GALNT2: variants seen among roughly 807,000 people sequenced by gnomAD.
The protein encoded by GALNT2 is polypeptide N-acetylgalactosaminyltransferase 2.
Under a neutral mutation model 81.4 loss-of-function variants are expected in GALNT2, and 31 were observed. The ratio of observed to expected loss-of-function variants is 0.38; its 90% CI spans 0.29 to 0.51. GALNT2 has a LOEUF of 0.51. GALNT2 is among the 20% of genes least tolerant of loss of function. The pLI is 0.87. For synonymous variants in GALNT2, 303 were observed against 287.4 expected (o/e 1.05, Z -0.55); for missense variants, 629 against 765.7 (o/e 0.82, Z 2.11).
At chr1:230,110,676 G>A (rs577686690) in intron 1 of GALNT2, among the ~76,000 whole-genome samples, 1 of 149,552 alleles carries the variant, frequency 6.7e-6, no homozygotes, top group African/African-American at 2.5e-5. Flanking sequence ...CTTTTTCTAT[G>A]CCTAAGCCTT....
At chr1:230,222,686 G>A (rs577837442) in intron 3 of GALNT2, among the ~76,000 whole-genome samples, 1 of 151,852 alleles carries the variant, frequency 6.6e-6, no homozygotes, top group African/African-American at 2.4e-5. Context: ...TTACTATTTT[G>A]CATATATGGA....
At chr1:230,086,173 C>T (rs1659892787) in intron 1 of GALNT2, among the ~76,000 whole-genome samples, 1 of 152,074 alleles carries the variant, frequency 6.6e-6, no homozygotes, top group Non-Finnish European at 1.5e-5. Context: ...ATTTTGCTCT[C>T]AATTATTTGG....
At chr1:230,256,028 AAGAGAGGGCAG>A (rs986369564) in intron 11 of GALNT2, among the ~76,000 whole-genome samples, 1 of 152,024 alleles carries the variant, frequency 6.6e-6, no homozygotes, top group Non-Finnish European at 1.5e-5. Flanking sequence ...TGGGAGGGCA[AAGAGAGGGCAG>A]GAAAGAGCAA....
At chr1:230,093,138 T>C (rs1660144801) in intron 1 of GALNT2, among the ~76,000 whole-genome samples, 1 of 152,222 alleles carries the variant, frequency 6.6e-6, no homozygotes, top group African/African-American at 2.4e-5. Flanking sequence ...CAGTTGAACG[T>C]GCAATTGTAT....
chr1:230,169,058 T>C (rs1317583860), intron 1 of GALNT2, among the ~76,000 whole-genome samples: 1 of 152,196 alleles, frequency 6.6e-6, no homozygotes. Context: ...GTTTGTTTGA[T>C]GTTTTTTCTC....
At chr1:230,172,448 C>T (rs1482985722) in intron 1 of GALNT2, among the ~76,000 whole-genome samples, 16 of 152,242 alleles carry the variant, frequency 1.1e-4, no homozygotes, top group Admixed American at 1.0e-3. Flanking sequence ...TCCTGACCCT[C>T]AGACACTGTG....
intron 1 of GALNT2, among the ~76,000 whole-genome samples, chr1:230,111,409 C>T (rs1660701926): frequency 6.6e-6 from 1 of 152,248 alleles, no homozygotes; most frequent in African/African-American, 2.4e-5. Flanking sequence ...CATACATGTA[C>T]AAACACACAT....
At chr1:230,212,606 C>A (rs367999581) in intron 3 of GALNT2, among the ~76,000 whole-genome samples, 13 of 151,894 alleles carry the variant, frequency 8.6e-5, no homozygotes, top group African/African-American at 3.1e-4. Flanking sequence ...GCAGGCTCAG[C>A]GAGATATACG....
At position 230,231,297 on chromosome 1, in the gene GALNT2, C is replaced by T. The variant is rs78310495; in HGVS notation, c.375-4717C>T. ...GGTGTTCCCAATAATCAGGCAAGATCGTCAGGGCCATTTTCACAGATGAGG... is the reference window on the plus strand; with the variant it reads ...GGTGTTCCCAATAATCAGGCAAGATTGTCAGGGCCATTTTCACAGATGAGG... On this transcript the variant is annotated intron_variant, in intron 3 of 15. Coordinates refer to ENST00000366672, the MANE Select transcript of GALNT2 (RefSeq NM_004481.5). 4.5e-3 allele frequency among the ~76,000 whole-genome samples: 685 copies of T among 152,284 alleles called. 2 individuals are homozygous for T. The highest frequency in any genetic ancestry group is 7.7e-3 in the Non-Finnish European group (526 of 68,010).
intron 3 of GALNT2, among the ~76,000 whole-genome samples, chr1:230,234,411 A>G (rs1664962063): frequency 6.6e-6 from 1 of 152,202 alleles, no homozygotes; most frequent in African/African-American, 2.4e-5. Context: ...TCGGAGCCCC[A>G]GCAAAGATTT....
At chr1:230,235,984 G>C (rs755072138) in intron 3 of GALNT2, 30 bp from the exon 4 acceptor site, 3 of 1,608,476 alleles carry the variant, frequency 1.9e-6, no homozygotes, top group South Asian at 1.1e-5. Context: ...GGGGGTCATT[G>C]TTCAGAGGAC....
At chr1:230,166,249 C>T (rs966857139) in intron 1 of GALNT2, among the ~76,000 whole-genome samples, 3 of 152,146 alleles carry the variant, frequency 2.0e-5, no homozygotes, top group Non-Finnish European at 4.4e-5. Flanking sequence ...AGAAAATGTA[C>T]ATTTTAAATG....
At chr1:230,179,461 T>C (rs1385066700) in intron 2 of GALNT2, among the ~76,000 whole-genome samples, 8 of 152,244 alleles carry the variant, frequency 5.3e-5, no homozygotes, top group African/African-American at 1.7e-4. Flanking sequence ...TCACCAGCAT[T>C]TGGTGTTGCC....
At chr1:230,172,292 C>T (rs532035112) in intron 1 of GALNT2, among the ~76,000 whole-genome samples, 1 of 152,234 alleles carries the variant, frequency 6.6e-6, no homozygotes, top group East Asian at 1.9e-4. Context: ...ACTGGATGGG[C>T]CCCAGTGAGG....
intron 3 of GALNT2, among the ~76,000 whole-genome samples, chr1:230,210,094 C>T (rs61660379): frequency 0.075 from 11,408 of 152,200 alleles, 867 homozygotes; most frequent in African/African-American, 0.18. Flanking sequence ...AAGTGAGTGT[C>T]GTCAGGCTGG....
At chr1:230,106,019 G>A (rs1199908623) in intron 1 of GALNT2, among the ~76,000 whole-genome samples, 1 of 152,162 alleles carries the variant, frequency 6.6e-6, no homozygotes, top group Non-Finnish European at 1.5e-5. Flanking sequence ...CTTTAGTCCG[G>A]TCTTCGGACT....
At chr1:230,077,270 G>A (rs60498942) in intron 1 of GALNT2, among the ~76,000 whole-genome samples, 12,983 of 152,128 alleles carry the variant, frequency 0.085, 826 homozygotes, top group African/African-American at 0.15. Flanking sequence ...CTGCCCTGCC[G>A]CACTCTCCTT....
intron 1 of GALNT2, among the ~76,000 whole-genome samples, chr1:230,130,987 G>T (rs1484968788): frequency 1.3e-5 from 2 of 152,052 alleles, no homozygotes; most frequent in East Asian, 3.8e-4. Flanking sequence ...AGCCTGTCAG[G>T]CACCCTCCAA....
At chr1:230,180,276 G>C (rs532204847) in intron 2 of GALNT2, among the ~76,000 whole-genome samples, 1 of 138,466 alleles carries the variant, frequency 7.2e-6, no homozygotes, top group South Asian at 2.5e-4. Context: ...TGTGAAAAGT[G>C]TAAGAGCTGT....
Sources: gnomAD v4.1 joint callset for allele counts (sites outside exome capture counted in the v4.1 genomes callset) on GRCh38, gnomAD v4.1.1 for gene constraint, MANE v1.5 for transcripts, NCBI Gene and HGNC (gene_info 2026-07-23, HGNC 2026-07-21) for gene names.